COL4A3: variants seen among roughly 807,000 people sequenced by gnomAD.
The protein encoded by COL4A3 is collagen type IV alpha 3 chain.
Under a neutral mutation model 217.4 loss-of-function variants are expected in COL4A3, and 135 were observed. The ratio of observed to expected loss-of-function variants is 0.62; its 90% CI spans 0.54 to 0.72. COL4A3 has a LOEUF of 0.72. COL4A3 is among the 30% of genes least tolerant of loss of function. The pLI is 0.00. For missense variants in COL4A3, 1,868 were observed against 2,119.9 expected (o/e 0.88, Z 2.33); for synonymous variants, 690 against 736.3 (o/e 0.94, Z 1.02).
rs554940562 is a variant in COL4A3 at position 227,290,808 on chromosome 2, A to C, written c.3132A>C (p.Pro1044=). The C allele has an allele frequency of 2.2e-5, 36 of 1,613,574 alleles. No individual in the cohort carries two copies. The African/African-American group carries it at 4.8e-4, about 22-fold the overall frequency. The change falls in exon 37 of 52, where the codon CCA becomes CCC. Residue 1044 remains proline (P), a synonymous_variant. Transcript: ENST00000396578. ...GTCGAGCAGGAAGACCAGGCCTCCC[A>C]GGTATTCATGGTCTCCAGGGAGATA... The part of the protein sequence containing the change: ...FPGRAGRPGL[P]GIHGLQGDKG...
chr2:227,230,349 G>A (rs1396844015), intron 1 of COL4A3, among the ~76,000 whole-genome samples: 2 of 152,042 alleles, frequency 1.3e-5, no homozygotes, highest in African/African-American at 4.8e-5. Context: ...GGCAGGAGGG[G>A]GTTTAAAAGC....
In COL4A3 at chr2:227,297,685, G is replaced by A. The variant is rs972796332; in HGVS notation, c.3577G>A (p.Asp1193Asn). ...GNPGAQGAKG[D>N]RGAPGFPGLP... ...CTTCTTCTTTGCAGGAGCCAAAGGA[G>A]ACAGGGGAGCCCCAGGTTTTCCTGG... The change falls in exon 42 of 52, where the codon GAC becomes AAC. Residue 1193 changes from aspartate to asparagine, a missense_variant. Transcript: ENST00000396578. 27 of 1,608,128 alleles carry A rather than the reference G, an allele frequency of 1.7e-5. No individual in the cohort carries two copies. Among genetic ancestry groups the A allele is most frequent in the Non-Finnish European group, 2.0e-5 (23 of 1,177,992 alleles).
At chr2:227,196,847 G>A (rs1024824251) in intron 1 of COL4A3, among the ~76,000 whole-genome samples, 1 of 152,168 alleles carries the variant, frequency 6.6e-6, no homozygotes, top group African/African-American at 2.4e-5. Context: ...TAGCCTAAGC[G>A]TATAGTAGTA....
intron 1 of COL4A3, among the ~76,000 whole-genome samples, chr2:227,165,789 G>T (rs781425750): frequency 6.6e-6 from 1 of 151,938 alleles, no homozygotes; most frequent in East Asian, 1.9e-4. Context: ...TCACATATAG[G>T]TTCTATATGT....
At chr2:227,248,288 C>T (rs755392596) in intron 8 of COL4A3, 155 bp from the exon 9 acceptor site, 2 of 691,470 alleles carry the variant, frequency 2.9e-6, no homozygotes, top group South Asian at 3.0e-5. Context: ...TTGAATTCTT[C>T]ATAATGGAAT....
intron 9 of COL4A3, among the ~76,000 whole-genome samples, chr2:227,249,212 GTATATATA>G (rs1553751598): frequency 3.0e-5 from 1 of 33,218 alleles, no homozygotes; most frequent in East Asian, 1.6e-3. Context: ...AAATTAGCTA[GTATATATA>G]TATATATATA....
rs1281309450 is a variant in COL4A3, at chr2:227,164,627, C to T, written c.-100C>T. 64 of 1,503,424 alleles carry T rather than the reference C, an allele frequency of 4.3e-5. No individual in the cohort carries two copies. The highest frequency in any genetic ancestry group is 5.3e-5 in the Non-Finnish European group (60 of 1,122,306). The allele number at this position is 1,503,424 out of a possible 1,614,324, so 93.1% of individuals were successfully genotyped here. A position where few individuals can be genotyped will look rare whatever the true frequency, so the allele number is the denominator to read the frequency against. The stretch of plus-strand genomic sequence containing the variant: ...CGCCCCGGCCGAGTGGCGAGGCGAG[C>T]TTTCCAGCCGGGCTCCCAGAGCCGC... On this transcript the variant is annotated 5_prime_UTR_variant, in exon 1 of 52. Transcript: ENST00000396578. This position sits in a 1 kb window ranked among gnomAD's most constrained non-coding sequence, Gnocchi z 4.8.
At chr2:227,267,125 C>T in intron 23 of COL4A3, 37 bp downstream of exon 23, 1 of 1,409,110 alleles carries the variant, frequency 7.1e-7, no homozygotes. Flanking sequence ...TTTGCAAGCA[C>T]AAAAGGGTCA....
At chr2:227,292,224 C>T (rs1162456421) in intron 37 of COL4A3, among the ~76,000 whole-genome samples, 2 of 152,014 alleles carry the variant, frequency 1.3e-5, no homozygotes, top group Non-Finnish European at 2.9e-5. Flanking sequence ...CTATAGTCTC[C>T]AGTAGTAACT....
At chr2:227,258,435 T>C (rs113824006) in intron 18 of COL4A3, among the ~76,000 whole-genome samples, 4,728 of 152,304 alleles carry the variant, frequency 0.031, 123 homozygotes, top group Admixed American at 0.046. Flanking sequence ...CCTGTCTTAG[T>C]CTGTTCTTTG....
At position 227,203,469 on chromosome 2, in the gene COL4A3, ATATGTGTATACATATG is replaced by A. The variant is rs1158263401; in HGVS notation, c.88-34497_88-34482del. On this transcript the variant is annotated intron_variant, in intron 1 of 51. Coordinates refer to ENST00000396578, the MANE Select transcript of COL4A3 (RefSeq NM_000091.5). ...TGTATACATACATATATGTGTGTAT[ATATGTGTATACATATG>A]TGTGTATATGTGTATATATACATAT... Among the ~76,000 whole-genome samples, 3 of 40,862 alleles carry A rather than the reference ATATGTGTATACATATG, an allele frequency of 7.3e-5. 1 individual carries two copies. Among genetic ancestry groups the A allele is most frequent in the Non-Finnish European group, 1.3e-4 (3 of 22,820 alleles). 26.8% of individuals were successfully genotyped at this position (40,862 alleles called of 152,430 possible).
At chr2:227,221,011 G>T (rs2067757463) in intron 1 of COL4A3, 1 of 152,226 alleles carries the variant, frequency 6.6e-6, no homozygotes, top group Admixed American at 6.5e-5. Context: ...CAGATGCTCT[G>T]AGGAGCTGGA....
In COL4A3 at chr2:227,191,094, A is replaced by G. The variant is rs1420396341; in HGVS notation, c.87+26281A>G. Among the ~76,000 whole-genome samples, 1 of 152,132 alleles carries G rather than the reference A, an allele frequency of 6.6e-6. No individual in the cohort carries two copies. Among genetic ancestry groups the G allele is most frequent in the African/African-American group, 2.4e-5 (1 of 41,424 alleles). On this transcript the variant is annotated intron_variant, in intron 1 of 51. Coordinates refer to ENST00000396578, the MANE Select transcript of COL4A3 (RefSeq NM_000091.5). The surrounding 1 kb of genome is among the most constrained non-coding windows in gnomAD (Gnocchi z 6.8). The stretch of plus-strand genomic sequence containing the variant: ...TATGTCTTTTTTCTCTTAAAAATAG[A>G]CTACATAAATAATACGTATATGGCC...
intron 15 of COL4A3, 97 bp from the exon 16 acceptor site, chr2:227,255,929 A>G (rs992505173): frequency 8.2e-7 from 1 of 1,226,676 alleles, no homozygotes; most frequent in Admixed American, 1.8e-5. Flanking sequence ...TTCATGCCTG[A>G]GGTCAAGAGG....
chr2:227,308,015 T>C, intron 48 of COL4A3, 96 bp downstream of exon 48: 1 of 1,018,626 alleles, frequency 9.8e-7, no homozygotes, highest in East Asian at 2.4e-5. Flanking sequence ...TAAGTGTAAA[T>C]AACCTTGAGT....
At chr2:227,277,298 G>A (rs2071629818) in intron 27 of COL4A3, 151 bp from the exon 28 acceptor site, 7 of 624,968 alleles carry the variant, frequency 1.1e-5, no homozygotes, top group South Asian at 3.9e-5. Flanking sequence ...CAGCCTGGGC[G>A]ACAGACCGAA....
intron 14 of COL4A3, among the ~76,000 whole-genome samples, chr2:227,254,387 A>G (rs1404878343): frequency 3.3e-5 from 5 of 152,162 alleles, no homozygotes; most frequent in African/African-American, 1.2e-4. Context: ...TGAATACACT[A>G]GAGTTATTTT....
At chr2:227,302,582 C>T (rs1212361655) in intron 43 of COL4A3, among the ~76,000 whole-genome samples, 1 of 146,222 alleles carries the variant, frequency 6.8e-6, no homozygotes, top group African/African-American at 2.6e-5. Flanking sequence ...GAGGCTGAGG[C>T]ATGACAATTA....
chr2:227,253,317 A>G lies in COL4A3; in HGVS notation c.667A>G (p.Ile223Val). The G allele has an allele frequency of 6.2e-7, 1 of 1,613,858 alleles. No individual in the cohort carries two copies. The part of the protein sequence containing the change: ...GPKGHMGERV[I>V]GHKGERGVKG... ...ACAGGGTCACATGGGTGAAAGAGTG[A>G]TAGGACATAAAGGAGAGCGGGTAAT... Residue 223 changes from isoleucine (I) to valine (V), a missense_variant, in exon 12 of 52, where the codon ATA (isoleucine) becomes GTA (valine). By Grantham distance (29) the Ile-to-Val change is conservative. Transcript: ENST00000396578. The surrounding 1 kb of genome is among the most constrained non-coding windows in gnomAD (Gnocchi z 4.4).
Sources: gnomAD v4.1 joint callset for allele counts (sites outside exome capture counted in the v4.1 genomes callset) on GRCh38, gnomAD v4.1.1 for gene constraint, Gnocchi (gnomAD v3.1) non-coding constraint, MANE v1.5 for transcripts, NCBI Gene and HGNC (gene_info 2026-07-23, HGNC 2026-07-21) for gene names.